Variants in ANKRD28 observed in about 807,000 individuals in gnomAD.
ANKRD28 encodes ankyrin repeat domain 28.
Under a neutral mutation model 126.5 loss-of-function variants are expected in ANKRD28, and 44 were observed. The observed-to-expected ratio is 0.35, with a 90% CI of 0.27 to 0.45. The LOEUF is 0.45. Among genes scored for constraint, ANKRD28 ranks in the 20% least tolerant of loss-of-function variants. ANKRD28 has a pLI of 1.00. For synonymous variants in ANKRD28, 442 were observed against 468.5 expected (o/e 0.94, Z 0.73); for missense variants, 1,110 against 1,316.6 (o/e 0.84, Z 2.43).
At position 15,721,271 on chromosome 3, in the gene ANKRD28, T is replaced by C; in HGVS notation, c.784-144A>G. 5.7e-6 allele frequency: 4 copies of C among 701,928 alleles called. No individual in the cohort carries two copies. In the South Asian group the frequency reaches 7.8e-5, roughly 14 times the overall value. The allele number at this position is 701,928 out of a possible 1,614,324, so 43.5% of individuals were successfully genotyped here. On this transcript the variant is annotated intron_variant, in intron 7 of 27. Coordinates refer to ENST00000683139, the MANE Select transcript of ANKRD28 (RefSeq NM_001349278.2). ...TAAGTACAGAGATAAGGCTTATAAT[T>C]CTAAAGTTGGTTTAAAATAATAAAC... is the stretch of plus-strand genomic sequence containing the variant.
rs370247941 is a variant in ANKRD28 at position 15,713,543 on chromosome 3, C to G, written c.1174G>C (p.Gly392Arg). 5.6e-6 allele frequency: 9 copies of G among 1,611,000 alleles called. No homozygotes were observed. Among genetic ancestry groups the G allele is most frequent in the Non-Finnish European group, 7.6e-6 (9 of 1,178,898 alleles). ...ELLINTLITS[G>R]ADTAKRGIHG... is the part of the protein sequence containing the mutation. ...AGTACTTACTTTGCAGTGTCAGCAC[C>G]ACTTGTAATAAGAGTGTTGATCAGC... The change falls in exon 10 of 28, where the codon GGT becomes CGT. Residue 392 changes from glycine to arginine, a missense_variant. Gly to Arg is a moderately radical substitution (Grantham distance 125). Transcript: ENST00000683139.
chr3:15,852,079 T>C (rs1202892089), intron 1 of ANKRD28, among the ~76,000 whole-genome samples: 3 of 152,216 alleles, frequency 2.0e-5, no homozygotes, highest in Non-Finnish European at 4.4e-5. Flanking sequence ...GTTGATAGTT[T>C]AGGGGTAAAA....
At chr3:15,681,589 A>G (rs2067553493) in intron 21 of ANKRD28, among the ~76,000 whole-genome samples, 1 of 152,230 alleles carries the variant, frequency 6.6e-6, no homozygotes, top group South Asian at 2.1e-4. Flanking sequence ...ATATTTGCCT[A>G]CCAAAGTGAT....
chr3:15,791,379 C>T (rs948793685), intron 2 of ANKRD28, among the ~76,000 whole-genome samples: 5 of 141,920 alleles, frequency 3.5e-5, no homozygotes, highest in African/African-American at 7.4e-5. Context: ...ACAGACCTAT[C>T]GTAACCAAAA....
chr3:15,825,397 TG>T (rs374383069), intron 1 of ANKRD28, among the ~76,000 whole-genome samples: 13 of 152,322 alleles, frequency 8.5e-5, no homozygotes, highest in African/African-American at 2.9e-4. Context: ...ACAGTTTTCA[TG>T]GCACTTCAAA....
At chr3:15,818,563 C>A (rs1017668585) in intron 1 of ANKRD28, among the ~76,000 whole-genome samples, 1 of 152,044 alleles carries the variant, frequency 6.6e-6, no homozygotes, top group Non-Finnish European at 1.5e-5. Context: ...TACATACATA[C>A]CCTATGATAA....
Position 15,679,493 on chromosome 3 carries a change from A to G in ANKRD28, c.2460T>C (p.Ser820=). ...TTACTTACACGGCACAATGCAATGG[A>G]CTAAAAGCATTTCCTTCCGTTTTCT... ...VFQKTEGNAF[S]PLHCAVINDN... is the part of the protein sequence containing the mutation. Residue 820 remains serine, a synonymous_variant, in exon 22 of 28, where the codon AGT becomes AGC. Coordinates refer to ENST00000683139, the MANE Select transcript of ANKRD28 (RefSeq NM_001349278.2). 1 of 1,613,956 alleles carries G rather than the reference A, an allele frequency of 6.2e-7. No individual in the cohort carries two copies. Among genetic ancestry groups the G allele is most frequent in the African/African-American group, 1.3e-5 (1 of 75,062 alleles).
At chr3:15,761,110 AG>A (rs2058435187) in intron 3 of ANKRD28, among the ~76,000 whole-genome samples, 1 of 152,222 alleles carries the variant, frequency 6.6e-6, no homozygotes, top group South Asian at 2.1e-4. Flanking sequence ...ATATCGCAGT[AG>A]TTTTTAAAAT....
chr3:15,788,353 G>C (rs531182933), intron 2 of ANKRD28, among the ~76,000 whole-genome samples: 2 of 152,044 alleles, frequency 1.3e-5, no homozygotes, highest in African/African-American at 4.8e-5. Context: ...TTTGGCAGAA[G>C]AAAAAATATT....
At chr3:15,738,779 A>C (rs1056058269) in intron 4 of ANKRD28, 1 of 152,268 alleles carries the variant, frequency 6.6e-6, no homozygotes, top group African/African-American at 2.4e-5. Context: ...AACTGGTCTG[A>C]CCAAAATTTA....
intron 1 of ANKRD28, among the ~76,000 whole-genome samples, chr3:15,834,917 G>A (rs1345574342): frequency 6.6e-6 from 1 of 152,192 alleles, no homozygotes; most frequent in Non-Finnish European, 1.5e-5. Flanking sequence ...AAAAACAGGG[G>A]TGGGCAAATC....
Position 15,768,423 on chromosome 3 carries a change from G to C in ANKRD28, c.202-2111C>G, listed in dbSNP as rs3846129. ...AACATTTGGGAGGCTGTGGTGGGAG[G>C]ATCACTTGAGGCCAGGAGTTCTACA... On this transcript the variant is annotated intron_variant, in intron 2 of 27. Transcript: ENST00000683139. Among the ~76,000 whole-genome samples the C allele has an allele frequency of 8.2e-3, 1,255 of 152,248 alleles. 10 individuals are homozygous for C. The highest frequency in any genetic ancestry group is 0.014 in the Non-Finnish European group (936 of 68,008).
In ANKRD28 at chr3:15,854,805, C is replaced by T. The variant is rs1173579074; in HGVS notation, c.27+4572G>A. Among the ~76,000 whole-genome samples, 1 of 152,136 alleles carries T rather than the reference C, an allele frequency of 6.6e-6. No homozygotes were observed. Among genetic ancestry groups the T allele is most frequent in the Non-Finnish European group, 1.5e-5 (1 of 68,028 alleles). ...GTGGCTCACGCCTGTAATCCCAGCA[C>T]TTTGGGAGGCCAAGGTGGGTGGATC... On this transcript the variant is annotated intron_variant, in intron 1 of 27. Coordinates refer to the ANKRD28 transcript ENST00000399451. This position sits in a 1 kb window ranked among gnomAD's most constrained non-coding sequence, Gnocchi z 4.1.
intron 12 of ANKRD28, 51 bp downstream of exon 12, chr3:15,711,159 CT>C: frequency 7.0e-7 from 1 of 1,422,966 alleles, no homozygotes; most frequent in Non-Finnish European, 9.7e-7. Flanking sequence ...AAGAGAAAAC[CT>C]GCCATGACCA....
At chr3:15,850,204 A>AAAAAAAATAT (rs1486394619) in intron 1 of ANKRD28, among the ~76,000 whole-genome samples, 3 of 54,836 alleles carry the variant, frequency 5.5e-5, no homozygotes, top group African/African-American at 1.8e-4. Flanking sequence ...AAAAAAAAAA[A>AAAAAAAATAT]ATATATATAT....
At chr3:15,809,038 T>C (rs2060650663) in intron 1 of ANKRD28, among the ~76,000 whole-genome samples, 1 of 151,914 alleles carries the variant, frequency 6.6e-6, no homozygotes, top group African/African-American at 2.4e-5. Flanking sequence ...GACAATCTCA[T>C]GTCAAAATTC....
rs1423091871 is a variant in ANKRD28 at position 15,816,493 on chromosome 3, AT to A, written c.28-21188del. ...AGTGTCTCTTCACCTATAATTTACA[AT>A]TTAAAAAACACTACACAGAAATATT... is the stretch of plus-strand genomic sequence containing the variant. On this transcript the variant is annotated intron_variant, in intron 1 of 27. Coordinates refer to the ANKRD28 transcript ENST00000399451. This position sits in a 1 kb window ranked among gnomAD's most constrained non-coding sequence, Gnocchi z 5.0. Among the ~76,000 whole-genome samples the A allele has an allele frequency of 6.6e-6, 1 of 152,210 alleles. No individual in the cohort carries two copies. Among genetic ancestry groups the A allele is most frequent in the African/African-American group, 2.4e-5 (1 of 41,450 alleles).
intron 17 of ANKRD28, among the ~76,000 whole-genome samples, chr3:15,692,781 A>G (rs1170379683): frequency 2.6e-5 from 4 of 152,244 alleles, no homozygotes; most frequent in African/African-American, 7.2e-5. Flanking sequence ...AATTATTTCA[A>G]TTTTTAGTTT....
In ANKRD28 at chr3:15,838,162, G is replaced by A. The variant is rs906575803; in HGVS notation, c.27+21215C>T. 1.3e-5 allele frequency among the ~76,000 whole-genome samples: 2 copies of A among 152,202 alleles called. No homozygotes were observed. The highest frequency in any genetic ancestry group is 3.9e-4 in the East Asian group (2 of 5,176). ...ACAAAGAAAAGCCTTGGCCCACATAGTTTCTTTCACTGGTGAATTTTACCA... is the reference window on the plus strand; with the variant it reads ...ACAAAGAAAAGCCTTGGCCCACATAATTTCTTTCACTGGTGAATTTTACCA... On this transcript the variant is annotated intron_variant, in intron 1 of 27. Coordinates refer to the ANKRD28 transcript ENST00000399451. This position sits in a 1 kb window ranked among gnomAD's most constrained non-coding sequence, Gnocchi z 4.0.
Sources: allele counts gnomAD v4.1 joint callset (sites outside exome capture counted in the v4.1 genomes callset), GRCh38; gene constraint gnomAD v4.1.1; non-coding constraint Gnocchi (gnomAD v3.1); transcripts MANE v1.5; gene names NCBI Gene and HGNC (gene_info 2026-07-23, HGNC 2026-07-21).